WNK2: variants seen among roughly 807,000 people sequenced by gnomAD.
WNK2 encodes serine/threonine-protein kinase WNK2.
In WNK2, 67 loss-of-function variants were observed where a neutral mutation model predicts 192.1. That is an observed-to-expected ratio of 0.35 (90% CI 0.29 to 0.43). The LOEUF (loss-of-function observed/expected upper bound fraction) is 0.43. Among genes scored for constraint, WNK2 ranks in the 20% least tolerant of loss-of-function variants. WNK2 has a pLI of 1.00. For synonymous variants in WNK2, 1,439 were observed against 1,393.9 expected (o/e 1.03, Z -0.72); for missense variants, 2,698 against 3,089.7 (o/e 0.87, Z 3.01).
At chr9:93,200,985 A>G (rs1441051802) in intron 2 of WNK2, among the ~76,000 whole-genome samples, 3 of 152,198 alleles carry the variant, frequency 2.0e-5, no homozygotes, top group Non-Finnish European at 4.4e-5. Context: ...TTAAAGGTAA[A>G]GGAAAATAAA....
chr9:93,279,691 G>T (rs1000765502), intron 19 of WNK2, among the ~76,000 whole-genome samples: 1 of 152,166 alleles, frequency 6.6e-6, no homozygotes, highest in Admixed American at 6.5e-5. Flanking sequence ...AGACAATGTG[G>T]TATTGATGCA....
At chr9:93,203,377 G>T (rs1433895024) in intron 2 of WNK2, among the ~76,000 whole-genome samples, 1 of 152,220 alleles carries the variant, frequency 6.6e-6, no homozygotes, top group Non-Finnish European at 1.5e-5. Flanking sequence ...CCCAGGCTGG[G>T]GAGGCGCCTG....
intron 29 of WNK2, chr9:93,318,448 G>C (rs1215267701): frequency 5.6e-6 from 9 of 1,614,026 alleles, no homozygotes; most frequent in Non-Finnish European, 7.6e-6. Flanking sequence ...CACACTGGCG[G>C]AGCTGCTTGC....
intron 23 of WNK2, among the ~76,000 whole-genome samples, chr9:93,296,228 A>C (rs1469809672): frequency 5.1e-5 from 1 of 19,674 alleles, no homozygotes; most frequent in African/African-American, 2.4e-4. Flanking sequence ...TCCCCTTTCC[A>C]TCCTCCCCTC....
At chr9:93,228,924 G>A (rs767511804) in intron 2 of WNK2, among the ~76,000 whole-genome samples, 2 of 152,152 alleles carry the variant, frequency 1.3e-5, no homozygotes, top group Non-Finnish European at 2.9e-5. Flanking sequence ...GGCAGGCGGC[G>A]GGAGGGTGGC....
At position 93,292,353 on chromosome 9, in the gene WNK2, G is replaced by A; in HGVS notation, c.4982G>A (p.Arg1661Lys). ...RSMLGYDRDG[R>K]QVASDSHVVP... ...ATGCTAGGCTATGACAGAGATGGAA[G>A]GCAGGTGGCCTCAGACTCCCATGTG... Residue 1661 changes from arginine to lysine, a missense_variant, in exon 22 of 30, where the codon AGG (arginine) becomes AAG (lysine). This residue lies in a region of WNK2 where 1,098 missense variants were observed against 1,101.0 expected (regional missense o/e 1.00). Transcript: ENST00000427277. The A allele has an allele frequency of 6.2e-7, 1 of 1,613,968 alleles. No homozygotes were observed. Among genetic ancestry groups the A allele is most frequent in the Non-Finnish European group, 8.5e-7 (1 of 1,179,886 alleles).
chr9:93,244,378 G>A (rs1588142569), intron 7 of WNK2, among the ~76,000 whole-genome samples: 1 of 152,304 alleles, frequency 6.6e-6, no homozygotes, highest in East Asian at 1.9e-4. Context: ...GGGATTCCCA[G>A]CCAGCCCTCC....
At chr9:93,209,033 CA>C (rs1833995681) in intron 2 of WNK2, among the ~76,000 whole-genome samples, 1 of 152,102 alleles carries the variant, frequency 6.6e-6, no homozygotes, top group South Asian at 2.1e-4. Flanking sequence ...ATGATCGGAC[CA>C]AGAGGTTGCA....
chr9:93,314,116 C>T lies in WNK2; in HGVS notation c.6517-3404C>T, dbSNP rs76993665. Among the ~76,000 whole-genome samples the T allele has an allele frequency of 4.3e-5, 4 of 93,442 alleles. No individual in the cohort carries two copies. The South Asian group carries it at 9.7e-4, about 23-fold the overall frequency. The allele number at this position is 93,442 out of a possible 152,430, so 61.3% of individuals were successfully genotyped here. On this transcript the variant is annotated intron_variant, in intron 28 of 29. Coordinates refer to ENST00000427277, the MANE Select transcript of WNK2 (RefSeq NM_006648.4). ...TGAAACCCTGTCTCTACTAAAAGTACAAAAAAAAAAAAAAAATTAGCCCAG... is the reference window on the plus strand; with the variant it reads ...TGAAACCCTGTCTCTACTAAAAGTATAAAAAAAAAAAAAAAATTAGCCCAG...
intron 21 of WNK2, among the ~76,000 whole-genome samples, chr9:93,291,139 A>G (rs4743912): frequency 0.092 from 14,060 of 152,196 alleles, 828 homozygotes; most frequent in Middle Eastern, 0.14. Context: ...AAGATAAGGG[A>G]CAGGGCAGAA....
chr9:93,210,988 C>G (rs1834389945), intron 2 of WNK2, among the ~76,000 whole-genome samples: 1 of 151,916 alleles, frequency 6.6e-6, no homozygotes, highest in African/African-American at 2.4e-5. Flanking sequence ...TCTTCACTGA[C>G]TCATTCATTC....
Position 93,253,044 on chromosome 9 carries a change from C to T in WNK2, c.1996C>T (p.Leu666=). ...VSEGPVLPQS[L]PSLGAYQQPT... is the part of the protein sequence containing the mutation. ...CGAGGGGCCCGTCCTGCCGCAGAGC[C>T]TGCCCTCGCTGGGGGCCTACCAGCA... Residue 666 remains leucine (L), a synonymous_variant, in exon 9 of 30, where the codon CTG becomes TTG. Coordinates refer to ENST00000427277, the MANE Select transcript of WNK2 (RefSeq NM_006648.4). The T allele has an allele frequency of 1.3e-6, 2 of 1,524,084 alleles. No homozygotes were observed. The highest frequency in any genetic ancestry group is 1.8e-6 in the Non-Finnish European group (2 of 1,136,128). The allele number at this position is 1,524,084 out of a possible 1,614,324, so 94.4% of individuals were successfully genotyped here. A position where few individuals can be genotyped will look rare whatever the true frequency, so the allele number is the denominator to read the frequency against.
intron 10 of WNK2, 84 bp from the exon 11 acceptor site, chr9:93,256,864 T>G: frequency 6.9e-6 from 9 of 1,295,158 alleles, no homozygotes; most frequent in Non-Finnish European, 9.4e-6. Context: ...GGGTGAGGGT[T>G]GATATCCTGT....
chr9:93,231,218 G>A (rs1023462458), intron 4 of WNK2, 110 bp downstream of exon 4: 18 of 1,097,570 alleles, frequency 1.6e-5, no homozygotes, highest in Non-Finnish European at 2.4e-5. Context: ...GACCCAGTGG[G>A]AGGAGCGTCT....
chr9:93,292,997 G>C lies in WNK2; in HGVS notation c.5532G>C (p.Leu1844=), dbSNP rs201832234. Residue 1844 remains leucine, a synonymous_variant, in exon 23 of 30, where the codon CTG becomes CTC. Coordinates refer to ENST00000427277, the MANE Select transcript of WNK2 (RefSeq NM_006648.4). ...TCGTGAAGAAGGCCACCGCCTTCCT[G>C]CAGAGGCCTTCTCGGGCCGGCTCGC... ...GDFVKKATAF[L]QRPSRAGSLG... is the part of the protein sequence containing the mutation. 1,881 of 1,580,044 alleles carry C rather than the reference G, an allele frequency of 1.2e-3. 30 individuals carry two copies. The South Asian group carries it at 0.02, about 17-fold the overall frequency.
At chr9:93,205,764 G>A (rs1051797971) in intron 2 of WNK2, among the ~76,000 whole-genome samples, 3 of 152,222 alleles carry the variant, frequency 2.0e-5, no homozygotes, top group African/African-American at 7.2e-5. Context: ...TCTGGGGGAC[G>A]TGGTGTTAAA....
rs372358037 is a variant in WNK2, at chr9:93,267,898, C to G, written c.3849C>G (p.Cys1283Trp). Reference sequence around the variant, plus strand: ...CCAGCCCGCCACACCTCAGCACCTGCGGCCTGGGCACCGGGGAGGTGAGGT... The same window carrying G: ...CCAGCCCGCCACACCTCAGCACCTGGGGCCTGGGCACCGGGGAGGTGAGGT... Reference protein sequence around the residue: ...PGTSPPHLSTCGLGTGEESRQ... With the variant: ...PGTSPPHLSTWGLGTGEESRQ... The change falls in exon 17 of 30, where the codon TGC becomes TGG. Residue 1283 changes from cysteine to tryptophan, a missense_variant. Physicochemically the swap from Cys to Trp is radical, Grantham distance 215. Coordinates refer to ENST00000427277, the MANE Select transcript of WNK2 (RefSeq NM_006648.4). The G allele has an allele frequency of 6.8e-6, 11 of 1,612,326 alleles. No individual in the cohort carries two copies. Among genetic ancestry groups the G allele is most frequent in the Admixed American group, 5.0e-5 (3 of 59,824 alleles).
chr9:93,222,821 T>C (rs567332357), intron 2 of WNK2, among the ~76,000 whole-genome samples: 1 of 152,030 alleles, frequency 6.6e-6, no homozygotes, highest in Admixed American at 6.6e-5. Flanking sequence ...TAGCTGGGAT[T>C]ACAGGCGCCT....
chr9:93,301,514 G>A (rs567249966), intron 26 of WNK2, among the ~76,000 whole-genome samples: 2 of 152,342 alleles, frequency 1.3e-5, no homozygotes, highest in South Asian at 4.1e-4. Flanking sequence ...CTGGGCTGTT[G>A]GTCTGGGGGT....
Sources: allele counts gnomAD v4.1 joint callset (sites outside exome capture counted in the v4.1 genomes callset), GRCh38; gene constraint gnomAD v4.1.1; regional missense constraint gnomAD v4.1.1; transcripts MANE v1.5; gene names NCBI Gene and HGNC (gene_info 2026-07-23, HGNC 2026-07-21).